The following SHROOM3 variants were observed in gnomAD, a reference collection of about 807,000 sequenced individuals.
The protein encoded by SHROOM3 is shroom family member 3, also known as protein Shroom3.
Under a neutral mutation model 138.6 loss-of-function variants are expected in SHROOM3, and 47 were observed. That is an observed-to-expected ratio of 0.34 (90% CI 0.27 to 0.43). The LOEUF (loss-of-function observed/expected upper bound fraction) is 0.43, where lower values mean the gene tolerates loss of function less well. SHROOM3 is among the 20% of genes least tolerant of loss of function. SHROOM3 has a pLI of 1.00. For missense variants in SHROOM3, 2,491 were observed against 2,596.5 expected (o/e 0.96, Z 0.88); for synonymous variants, 1,062 against 1,063.3 (o/e 1.00, Z 0.02).
At chr4:76,775,789 CAT>C (rs557473829) in intron 10 of SHROOM3, among the ~76,000 whole-genome samples, 264 of 151,328 alleles carry the variant, frequency 1.7e-3, no homozygotes, top group African/African-American at 6.2e-3. Flanking sequence ...CATATATACA[CAT>C]ATATATACAC....
intron 1 of SHROOM3, among the ~76,000 whole-genome samples, chr4:76,452,900 T>C (rs1055550937): frequency 6.6e-6 from 1 of 152,154 alleles, no homozygotes; most frequent in Non-Finnish European, 1.5e-5. Context: ...GTATTTTTAG[T>C]AGAGACAAGT....
At chr4:76,668,356 T>C (rs972623453) in intron 2 of SHROOM3, among the ~76,000 whole-genome samples, 1 of 151,532 alleles carries the variant, frequency 6.6e-6, no homozygotes, top group African/African-American at 2.4e-5. Flanking sequence ...AGGTCAGGAG[T>C]TCGAGACCAG....
intron 1 of SHROOM3, among the ~76,000 whole-genome samples, chr4:76,538,613 G>T (rs1213608427): frequency 6.6e-6 from 1 of 151,992 alleles, no homozygotes; most frequent in African/African-American, 2.4e-5. Context: ...ACTGGGTGTG[G>T]GTAGAAAAAA....
intron 2 of SHROOM3, among the ~76,000 whole-genome samples, chr4:76,617,915 G>A (rs1013951189): frequency 1.3e-5 from 2 of 152,210 alleles, no homozygotes; most frequent in Admixed American, 1.3e-4. Flanking sequence ...TATTAGGTTT[G>A]AAAATTATGT....
chr4:76,580,953 TTAAG>T (rs1322577563), intron 2 of SHROOM3, among the ~76,000 whole-genome samples: 99 of 152,206 alleles, frequency 6.5e-4, no homozygotes, highest in Non-Finnish European at 2.1e-4. Context: ...TTATTATACT[TTAAG>T]TTTTAGGGTA....
Position 76,781,127 on chromosome 4 carries a change from T to A in SHROOM3, c.*1950T>A, listed in dbSNP as rs1345116191. ...TTACATATTCAGTCTTTCTCAAAAA[T>A]TTTTATTTATTTTCTTGAGAAAGGG... On this transcript the variant is annotated 3_prime_UTR_variant, in exon 11 of 11. Coordinates refer to ENST00000296043, the MANE Select transcript of SHROOM3 (RefSeq NM_020859.4). 3 of 152,154 alleles carry A rather than the reference T, an allele frequency of 2.0e-5. No homozygotes were observed. Among genetic ancestry groups the A allele is most frequent in the African/African-American group, 7.2e-5 (3 of 41,436 alleles). 9.4% of individuals were successfully genotyped at this position (152,154 alleles called of 1,614,324 possible). A position where few individuals can be genotyped will look rare whatever the true frequency, so the allele number is the denominator to read the frequency against.
At chr4:76,500,951 C>T (rs575970358) in intron 1 of SHROOM3, among the ~76,000 whole-genome samples, 4 of 152,080 alleles carry the variant, frequency 2.6e-5, no homozygotes, top group Admixed American at 6.5e-5. Context: ...GGACTACAAG[C>T]GCACACCACC....
intron 3 of SHROOM3, chr4:76,716,317 A>C (rs1720371732): frequency 1.9e-6 from 1 of 518,930 alleles, no homozygotes. Flanking sequence ...CAGAAAGAGC[A>C]GTAGCAGGGC....
chr4:76,537,038 G>A (rs1159802729), intron 1 of SHROOM3, among the ~76,000 whole-genome samples: 1 of 152,218 alleles, frequency 6.6e-6, no homozygotes, highest in African/African-American at 2.4e-5. Context: ...ACTTGAACCC[G>A]AGAGCCAGAA....
At position 76,749,459 on chromosome 4, in the gene SHROOM3, A is replaced by C. The variant is rs557082271; in HGVS notation, c.3827+369A>C. ...ACTGAGGACAAGGTTGATTTGGCTA[A>C]CCAGTTTGACAACAGAATAATTAAT... On this transcript the variant is annotated intron_variant, in intron 6 of 10. Coordinates refer to ENST00000296043, the MANE Select transcript of SHROOM3 (RefSeq NM_020859.4). 3.3e-5 allele frequency among the ~76,000 whole-genome samples: 5 copies of C among 152,340 alleles called. No homozygotes were observed. In the South Asian group the frequency reaches 1.0e-3, roughly 32 times the overall value.
intron 9 of SHROOM3, among the ~76,000 whole-genome samples, chr4:76,770,347 AAAAAC>A (rs1560623493): frequency 1.3e-4 from 18 of 136,108 alleles, no homozygotes; most frequent in Non-Finnish European, 2.2e-4. Context: ...AAAAAAAAAA[AAAAAC>A]AGAAGACAAA....
chr4:76,702,244 A>T (rs574612701), intron 2 of SHROOM3, among the ~76,000 whole-genome samples: 70 of 152,238 alleles, frequency 4.6e-4, no homozygotes, highest in Non-Finnish European at 8.7e-4. Flanking sequence ...CTTTAGCCAT[A>T]GCTCTTTCTA....
At chr4:76,569,065 G>A (rs1057186440) in intron 2 of SHROOM3, among the ~76,000 whole-genome samples, 12 of 152,196 alleles carry the variant, frequency 7.9e-5, no homozygotes, top group Non-Finnish European at 1.5e-4. Context: ...TTATTGAGCA[G>A]GTGCTGGCAC....
chr4:76,773,051 C>T (rs1722415655), intron 10 of SHROOM3, among the ~76,000 whole-genome samples: 1 of 152,088 alleles, frequency 6.6e-6, no homozygotes, highest in African/African-American at 2.4e-5. Flanking sequence ...ATGTCTAGAA[C>T]ATACAGTGAT....
chr4:76,608,348 C>A (rs960852285), intron 2 of SHROOM3, among the ~76,000 whole-genome samples: 7 of 152,180 alleles, frequency 4.6e-5, no homozygotes, highest in African/African-American at 1.7e-4. Context: ...TACCTTAGAG[C>A]AGATTCCTTT....
At chr4:76,479,989 G>T (rs1731571232) in intron 1 of SHROOM3, among the ~76,000 whole-genome samples, 1 of 152,134 alleles carries the variant, frequency 6.6e-6, no homozygotes. Context: ...ACTAAATATG[G>T]AAAGGAAAAC....
chr4:76,647,305 G>T (rs1010160004), intron 2 of SHROOM3, among the ~76,000 whole-genome samples: 1 of 152,112 alleles, frequency 6.6e-6, no homozygotes, highest in Non-Finnish European at 1.5e-5. Context: ...GTTGGTTAAT[G>T]GGTACAAACT....
chr4:76,493,952 T>C (rs1731910948), intron 1 of SHROOM3, among the ~76,000 whole-genome samples: 1 of 152,126 alleles, frequency 6.6e-6, no homozygotes, highest in Admixed American at 6.5e-5. Flanking sequence ...GCACTCCAGC[T>C]TGGGCAACAA....
intron 2 of SHROOM3, among the ~76,000 whole-genome samples, chr4:76,579,476 T>TA (rs1388749237): frequency 1.3e-5 from 2 of 152,134 alleles, no homozygotes; most frequent in African/African-American, 2.4e-5. Flanking sequence ...TCAAAAATAA[T>TA]AATAAACAAA....
Sources: gnomAD v4.1 joint callset for allele counts (sites outside exome capture counted in the v4.1 genomes callset) on GRCh38, gnomAD v4.1.1 for gene constraint, MANE v1.5 for transcripts, NCBI Gene and HGNC (gene_info 2026-07-23, HGNC 2026-07-21) for gene names.